Variants in ZHX2 observed in about 807,000 individuals in gnomAD.
The protein encoded by ZHX2 is zinc fingers and homeoboxes 2, also known as zinc fingers and homeoboxes protein 2.
Under a neutral mutation model 21.9 loss-of-function variants are expected in ZHX2, and 6 were observed. The observed-to-expected ratio is 0.27, with a 90% CI of 0.15 to 0.54. ZHX2 has a LOEUF of 0.54. Among genes scored for constraint, ZHX2 ranks in the 20% least tolerant of loss-of-function variants. The pLI, the probability that ZHX2 is intolerant of heterozygous loss-of-function variation, is 0.95. For missense variants in ZHX2, 908 were observed against 1,090.7 expected, an observed-to-expected ratio of 0.83 and a Z score of 2.36; for synonymous variants, 434 against 437.1, an observed-to-expected ratio of 0.99 and a Z score of 0.09.
intron 2 of ZHX2, among the ~76,000 whole-genome samples, chr8:122,891,688 G>T (rs548181316): frequency 6.6e-6 from 1 of 152,060 alleles, no homozygotes; most frequent in Non-Finnish European, 1.5e-5. Context: ...TGAACCAGTG[G>T]TCATTTAGGA....
At chr8:122,945,636 A>G (rs1812956272) in intron 2 of ZHX2, among the ~76,000 whole-genome samples, 1 of 152,146 alleles carries the variant, frequency 6.6e-6, no homozygotes, top group African/African-American at 2.4e-5. Context: ...GTTTCCATGT[A>G]ACATGCACTT....
chr8:122,933,025 T>C (rs1821032115), intron 2 of ZHX2, among the ~76,000 whole-genome samples: 1 of 152,164 alleles, frequency 6.6e-6, no homozygotes, highest in Non-Finnish European at 1.5e-5. Context: ...AAGGGAAGTC[T>C]CTTCGAGGTA....
chr8:122,792,051 A>G (rs374127134), intron 1 of ZHX2, among the ~76,000 whole-genome samples: 1 of 152,182 alleles, frequency 6.6e-6, no homozygotes, highest in East Asian at 1.9e-4. Flanking sequence ...TTATGCAACC[A>G]TTACCACAAT....
chr8:122,961,385 G>T (rs980670535), intron 3 of ZHX2, among the ~76,000 whole-genome samples: 1 of 152,184 alleles, frequency 6.6e-6, no homozygotes. Flanking sequence ...ATTTAGGGGG[G>T]ATATAATTCT....
At chr8:122,784,487 C>T (rs921919862) in intron 1 of ZHX2, among the ~76,000 whole-genome samples, 8 of 152,066 alleles carry the variant, frequency 5.3e-5, no homozygotes, top group Non-Finnish European at 8.8e-5. Flanking sequence ...AGATACACGA[C>T]GTCACAGTTA....
intron 1 of ZHX2, among the ~76,000 whole-genome samples, chr8:122,862,861 G>A (rs1421443569): frequency 2.6e-5 from 4 of 152,152 alleles, no homozygotes; most frequent in African/African-American, 7.2e-5. Context: ...TCTGCCCTGC[G>A]TGGTTAAACC....
At chr8:122,921,648 A>AAGAG (rs376224475) in intron 2 of ZHX2, among the ~76,000 whole-genome samples, 3 of 149,324 alleles carry the variant, frequency 2.0e-5, no homozygotes, top group South Asian at 2.1e-4. Flanking sequence ...CCCATCAAGA[A>AAGAG]AGAGAGAGAG....
At chr8:122,883,798 A>T (rs1233910894) in intron 2 of ZHX2, among the ~76,000 whole-genome samples, 1 of 152,240 alleles carries the variant, frequency 6.6e-6, no homozygotes, top group African/African-American at 2.4e-5. Flanking sequence ...AGTTGTGGAA[A>T]GTAGTTGAAA....
intron 1 of ZHX2, among the ~76,000 whole-genome samples, chr8:122,815,964 C>T (rs1443487140): frequency 1.3e-5 from 2 of 151,370 alleles, no homozygotes; most frequent in Admixed American, 6.6e-5. Flanking sequence ...CCTGCAGTCC[C>T]AGCTACTAGG....
chr8:122,788,673 C>T (rs537364853), intron 1 of ZHX2, among the ~76,000 whole-genome samples: 2 of 152,336 alleles, frequency 1.3e-5, no homozygotes, highest in Admixed American at 6.5e-5. Context: ...AAACTCAGCT[C>T]AGTCTGATTC....
chr8:122,810,167 A>G (rs965777999), intron 1 of ZHX2, among the ~76,000 whole-genome samples: 1 of 152,240 alleles, frequency 6.6e-6, no homozygotes, highest in African/African-American at 2.4e-5. Context: ...TGCCAGCCCT[A>G]GAGGCCGTCC....
chr8:122,798,515 G>GA (rs978940343), intron 1 of ZHX2, among the ~76,000 whole-genome samples: 4 of 152,176 alleles, frequency 2.6e-5, no homozygotes, highest in African/African-American at 9.7e-5. Flanking sequence ...GGACCCGGCT[G>GA]AGCACGGTGG....
At chr8:122,837,581 T>G (rs1818531546) in intron 1 of ZHX2, among the ~76,000 whole-genome samples, 1 of 152,154 alleles carries the variant, frequency 6.6e-6, no homozygotes, top group South Asian at 2.1e-4. Flanking sequence ...TCGGCTAAAT[T>G]AATAGTGCTA....
At chr8:122,929,982 G>A (rs1419105412) in intron 2 of ZHX2, among the ~76,000 whole-genome samples, 1 of 152,170 alleles carries the variant, frequency 6.6e-6, no homozygotes, top group South Asian at 2.1e-4. Context: ...GCTCTTGTTT[G>A]TACAACAGGA....
intron 2 of ZHX2, among the ~76,000 whole-genome samples, chr8:122,911,145 T>A (rs1460916173): frequency 1.3e-5 from 2 of 152,206 alleles, no homozygotes; most frequent in African/African-American, 4.8e-5. Flanking sequence ...CTTCTCACTG[T>A]GGGTCTCAGA....
chr8:122,953,050 G>A lies in ZHX2; in HGVS notation c.1540G>A (p.Ala514Thr), dbSNP rs747010554. 5.0e-6 allele frequency: 8 copies of A among 1,613,884 alleles called. No homozygotes were observed. The highest frequency in any genetic ancestry group is 1.7e-5 in the Admixed American group (1 of 60,006). The part of the protein sequence containing the change: ...ESLAKDQLAI[A>T]ASRHGRTYHA... ...CCTTGCCAAAGACCAGTTGGCCATC[G>A]CGGCCTCCCGACACGGTCGCACGTA... Residue 514 changes from alanine to threonine, a missense_variant, in exon 3 of 4, where the codon GCG becomes ACG. Around this residue, in one of 4 missense-constraint regions of ZHX2, gnomAD observed 431 missense variants for 428.6 expected, o/e 1.01. Transcript: ENST00000314393. This position sits in a 1 kb window ranked among gnomAD's most constrained non-coding sequence, Gnocchi z 4.6.
chr8:122,878,757 C>A (rs72717985), intron 2 of ZHX2, among the ~76,000 whole-genome samples: 5,376 of 152,196 alleles, frequency 0.035, 147 homozygotes, highest in Non-Finnish European at 0.051. Context: ...GTTATTACAA[C>A]CAGTAACTTG....
chr8:122,854,504 C>CA (rs1451391741), intron 1 of ZHX2, among the ~76,000 whole-genome samples: 4 of 152,104 alleles, frequency 2.6e-5, no homozygotes, highest in Non-Finnish European at 5.9e-5. Flanking sequence ...ACCTTGCTCC[C>CA]ATGTCCTGCC....
intron 2 of ZHX2, among the ~76,000 whole-genome samples, chr8:122,868,696 G>A (rs1179321317): frequency 8.3e-5 from 5 of 60,502 alleles, no homozygotes; most frequent in Admixed American, 6.6e-4. Context: ...GCAAGACTCC[G>A]TCAAAAAAAA....
Sources: allele counts gnomAD v4.1 joint callset (sites outside exome capture counted in the v4.1 genomes callset), GRCh38; gene constraint gnomAD v4.1.1; regional missense constraint gnomAD v4.1.1; non-coding constraint Gnocchi (gnomAD v3.1); transcripts MANE v1.5; gene names NCBI Gene and HGNC (gene_info 2026-07-23, HGNC 2026-07-21).